The following PPARGC1A variants were observed in gnomAD, a reference collection of about 807,000 sequenced individuals.
PPARGC1A encodes the protein PPARG coactivator 1 alpha, also known as peroxisome proliferator-activated receptor gamma coactivator 1-alpha.
A neutral mutation model predicts 88.7 loss-of-function variants in PPARGC1A; 25 were observed. The observed-to-expected ratio is 0.28, with a 90% CI of 0.21 to 0.39. PPARGC1A has a LOEUF of 0.39. Ranked by LOEUF, PPARGC1A falls within the 10% of genes least tolerant of loss-of-function variation. The pLI, the probability that PPARGC1A is intolerant of heterozygous loss-of-function variation, is 1.00. For missense variants in PPARGC1A, 880 were observed against 968.7 expected (o/e 0.91, Z 1.22); for synonymous variants, 363 against 355.6 (o/e 1.02, Z -0.24).
chr4:23,939,759 T>C, the PPARGC1A span, among the ~76,000 whole-genome samples: 2 of 152,192 alleles, frequency 1.3e-5, no homozygotes, highest in Admixed American at 1.3e-4. Context: ...AATATCATAA[T>C]TTAACTCTCA....
the PPARGC1A span, among the ~76,000 whole-genome samples, chr4:24,096,142 T>C: frequency 1.3e-5 from 2 of 152,158 alleles, no homozygotes; most frequent in Non-Finnish European, 2.9e-5. Flanking sequence ...TAAAAGTGTG[T>C]GGCACTTCCC....
chr4:24,085,476 C>G, the PPARGC1A span, among the ~76,000 whole-genome samples: 1 of 152,218 alleles, frequency 6.6e-6, no homozygotes, highest in African/African-American at 2.4e-5. Context: ...GGCCTTCAGC[C>G]AGGCCTTCTC....
In PPARGC1A at chr4:23,812,739, C is replaced by T. The variant is rs768749169; in HGVS notation, c.2019+8G>A. 5.6e-6 allele frequency: 9 copies of T among 1,613,746 alleles called. No homozygotes were observed. Among genetic ancestry groups the T allele is most frequent in the Non-Finnish European group, 6.8e-6 (8 of 1,179,924 alleles). ...CTTTAAAATAAAAGTGAGCTCCAGG[C>T]CACTTACAATTGCCTTCTGCCTCTG... is the stretch of plus-strand genomic sequence containing the variant. On this transcript the variant is annotated splice_region_variant and intron_variant, in intron 10 of 12. Transcript: ENST00000264867.
chr4:23,944,954 T>C, the PPARGC1A span, among the ~76,000 whole-genome samples: 1 of 152,210 alleles, frequency 6.6e-6, no homozygotes, highest in Non-Finnish European at 1.5e-5. Context: ...ACTGTGTACC[T>C]TGCTCTATCA....
the PPARGC1A span, among the ~76,000 whole-genome samples, chr4:24,434,410 C>T: frequency 3.3e-5 from 5 of 152,120 alleles, no homozygotes; most frequent in African/African-American, 1.2e-4. Context: ...CTGAGAGAGT[C>T]AGTAATGGTA....
chr4:24,400,739 C>T, the PPARGC1A span, among the ~76,000 whole-genome samples: 1 of 152,044 alleles, frequency 6.6e-6, no homozygotes, highest in Non-Finnish European at 1.5e-5. Flanking sequence ...CCAGTCAAAG[C>T]GCTTAGCACC....
the PPARGC1A span, among the ~76,000 whole-genome samples, chr4:24,348,080 G>T: frequency 1.3e-5 from 2 of 152,116 alleles, no homozygotes; most frequent in Non-Finnish European, 1.5e-5. Context: ...AGTTTCGCTG[G>T]ATACAAAATT....
chr4:24,055,547 A>G, the PPARGC1A span, among the ~76,000 whole-genome samples: 1 of 152,264 alleles, frequency 6.6e-6, no homozygotes, highest in Non-Finnish European at 1.5e-5. Context: ...GAGCACAGAT[A>G]TAAGAAATAG....
intron 10 of PPARGC1A, among the ~76,000 whole-genome samples, chr4:23,802,656 G>A (rs1038365622): frequency 7.6e-6 from 1 of 131,406 alleles, no homozygotes; most frequent in South Asian, 2.6e-4. Flanking sequence ...CAGCATGGGC[G>A]AGAGAGCGAG....
chr4:24,379,522 A>G, the PPARGC1A span, among the ~76,000 whole-genome samples: 3 of 152,096 alleles, frequency 2.0e-5, no homozygotes, highest in East Asian at 5.8e-4. Context: ...GTAACAAAAT[A>G]TCACATGTAC....
At chr4:24,301,267 G>A in the PPARGC1A span, among the ~76,000 whole-genome samples, 1 of 152,026 alleles carries the variant, frequency 6.6e-6, no homozygotes, top group Non-Finnish European at 1.5e-5. Flanking sequence ...TGATTTGGAA[G>A]GATTTTATCT....
chr4:24,091,325 G>A, the PPARGC1A span: 1 of 514,272 alleles, frequency 1.9e-6, no homozygotes, highest in Non-Finnish European at 2.5e-6. Flanking sequence ...GCAAAGACGT[G>A]GACACTACCC....
At chr4:23,889,026 C>T (rs1042785956) in intron 1 of PPARGC1A, 2 of 985,274 alleles carry the variant, frequency 2.0e-6, no homozygotes, top group Admixed American at 6.1e-5. Flanking sequence ...GCAAACACGC[C>T]GAGGTCCTCC....
the PPARGC1A span, among the ~76,000 whole-genome samples, chr4:24,465,656 C>G: frequency 6.6e-6 from 1 of 152,200 alleles, no homozygotes; most frequent in Non-Finnish European, 1.5e-5. Flanking sequence ...TGAGAAACTC[C>G]TTGCCCTCTT....
chr4:24,460,865 AAAT>A, the PPARGC1A span, among the ~76,000 whole-genome samples: 3 of 152,204 alleles, frequency 2.0e-5, no homozygotes, highest in Admixed American at 2.0e-4. Flanking sequence ...TAATAAATCC[AAAT>A]AAAACTTCAT....
the PPARGC1A span, among the ~76,000 whole-genome samples, chr4:24,394,639 C>T: frequency 1.5e-4 from 23 of 152,212 alleles, no homozygotes; most frequent in Non-Finnish European, 2.8e-4. Flanking sequence ...AATGGTACCA[C>T]GCTTGCACGC....
Position 23,813,826 on chromosome 4 carries a change from G to T in PPARGC1A, c.1657C>A (p.Pro553Thr). Residue 553 changes from proline to threonine, a missense_variant, in exon 8 of 13, where the codon CCA becomes ACA. Pro to Thr is a conservative substitution (Grantham distance 38, BLOSUM62 -1). Transcript: ENST00000264867. ...FNSPCRDSVSPPKSLFSQRPQ... is the reference protein window; with the variant it reads ...FNSPCRDSVSTPKSLFSQRPQ... ...CTTTGAGAAAATAAGGATTTGGGTG[G>T]TGACACAGAATCTCTACATGGAGAG... is the stretch of plus-strand genomic sequence containing the variant. 1.2e-6 allele frequency: 2 copies of T among 1,613,954 alleles called. No individual in the cohort carries two copies. Among genetic ancestry groups the T allele is most frequent in the Non-Finnish European group, 1.7e-6 (2 of 1,179,890 alleles).
chr4:24,219,217 G>A, the PPARGC1A span, among the ~76,000 whole-genome samples: 8 of 152,300 alleles, frequency 5.3e-5, no homozygotes, highest in Non-Finnish European at 7.4e-5. Flanking sequence ...CAGGAAGTCC[G>A]CTCTGCCTTT....
chr4:24,457,124 T>C, the PPARGC1A span, among the ~76,000 whole-genome samples: 1 of 152,086 alleles, frequency 6.6e-6, no homozygotes, highest in Non-Finnish European at 1.5e-5. Context: ...TTTTGCAGGA[T>C]TATGGCAAAG....
Sources: gnomAD v4.1 joint callset for allele counts (sites outside exome capture counted in the v4.1 genomes callset) on GRCh38, gnomAD v4.1.1 for gene constraint, MANE v1.5 for transcripts, NCBI Gene and HGNC (gene_info 2026-07-23, HGNC 2026-07-21) for gene names.